ZNF25: variants seen among roughly 807,000 people sequenced by gnomAD.
ZNF25 encodes zinc finger protein 25.
A neutral mutation model predicts 30.9 loss-of-function variants in ZNF25; 21 were observed. That is an observed-to-expected ratio of 0.68 (90% CI 0.48 to 0.98). The LOEUF is 0.98. Among genes scored for constraint, ZNF25 ranks in the 50% least tolerant of loss-of-function variants. The probability of loss-of-function intolerance (pLI) is 0.00; values close to 1 mark genes in which losing one functional copy is unlikely to be tolerated. For synonymous variants in ZNF25, 169 were observed against 181.3 expected (o/e 0.93, Z 0.55); for missense variants, 501 against 529.9 (o/e 0.95, Z 0.54).
intron 1 of ZNF25, among the ~76,000 whole-genome samples, chr10:37,974,848 T>C (rs1043844973): frequency 7.2e-5 from 11 of 152,208 alleles, no homozygotes; most frequent in African/African-American, 2.7e-4. Context: ...ATAGTCTAGA[T>C]ACAGAATCCA....
At chr10:37,976,395 C>G (rs1346296045) in intron 1 of ZNF25, 111 bp downstream of exon 1, 1 of 152,354 alleles carries the variant, frequency 6.6e-6, no homozygotes, top group Admixed American at 6.5e-5. Context: ...CCCCACCAGG[C>G]GGCTCCCACC....
chr10:37,972,297 CCTT>C (rs2063534827), intron 1 of ZNF25, among the ~76,000 whole-genome samples: 2 of 152,144 alleles, frequency 1.3e-5, no homozygotes, highest in African/African-American at 2.4e-5. Flanking sequence ...TCTCCAAGAA[CCTT>C]CTTTTGATAT....
At chr10:37,957,172 G>C (rs1486471618) in intron 3 of ZNF25, 57 bp from the exon 4 acceptor site, 3 of 1,511,518 alleles carry the variant, frequency 2.0e-6, no homozygotes, top group Non-Finnish European at 2.7e-6. Context: ...TAGGGACTGT[G>C]AAAGATGAGG....
chr10:37,967,222 C>T (rs2063233336), intron 2 of ZNF25, among the ~76,000 whole-genome samples: 2 of 152,132 alleles, frequency 1.3e-5, no homozygotes. Context: ...TACGGAATTG[C>T]AAGGGGTCCC....
At chr10:37,957,186 T>G in intron 3 of ZNF25, 71 bp from the exon 4 acceptor site, 1 of 1,474,730 alleles carries the variant, frequency 6.8e-7, no homozygotes, top group Admixed American at 1.8e-5. Context: ...GATGAGGAAG[T>G]GGAGTTTCAG....
At chr10:37,963,826 T>A (rs1011836842) in intron 2 of ZNF25, among the ~76,000 whole-genome samples, 1 of 152,048 alleles carries the variant, frequency 6.6e-6, no homozygotes. Flanking sequence ...AATACAAAAA[T>A]TAGGCGGGTG....
At chr10:37,969,143 T>C (rs1351996801) in intron 2 of ZNF25, among the ~76,000 whole-genome samples, 1 of 152,132 alleles carries the variant, frequency 6.6e-6, no homozygotes, top group Non-Finnish European at 1.5e-5. Context: ...GTTGGGGGTA[T>C]ATGGAGAAAC....
chr10:37,961,922 C>CAAA (rs71533129), intron 2 of ZNF25, among the ~76,000 whole-genome samples: 3,591 of 38,898 alleles, frequency 0.092, 110 homozygotes, highest in Non-Finnish European at 0.14. Context: ...AACTCCATCT[C>CAAA]AAAAAAAAAA....
chr10:37,971,368 T>C (rs1590329436), intron 2 of ZNF25, among the ~76,000 whole-genome samples: 2 of 151,958 alleles, frequency 1.3e-5, no homozygotes, highest in African/African-American at 4.8e-5. Context: ...TTGTCTACTT[T>C]ATGCCAAAAA....
intron 4 of ZNF25, 81 bp from the exon 5 acceptor site, chr10:37,953,839 C>G: frequency 7.7e-7 from 1 of 1,292,120 alleles, no homozygotes; most frequent in Non-Finnish European, 1.1e-6. Flanking sequence ...GGCTTCAGGC[C>G]AATTTCTCAT....
At position 37,950,242 on chromosome 10, in the gene ZNF25, A is replaced by G. The variant is rs1428039980; in HGVS notation, c.*1885T>C. ...GTAGTGCAAAGACAGCCACAGGTCA[A>G]ACATAAATAGGTGTTTTTTGTTTGT... On this transcript the variant is annotated 3_prime_UTR_variant, in exon 6 of 6. Coordinates refer to ENST00000302609, the MANE Select transcript of ZNF25 (RefSeq NM_145011.4). 1 of 152,680 alleles carries G rather than the reference A, an allele frequency of 6.5e-6. No homozygotes were observed. Among genetic ancestry groups the G allele is most frequent in the African/African-American group, 2.4e-5 (1 of 41,472 alleles). The allele number at this position is 152,680 out of a possible 1,614,324, so 9.5% of individuals were successfully genotyped here.
intron 2 of ZNF25, among the ~76,000 whole-genome samples, chr10:37,970,539 T>G (rs180993165): frequency 3.9e-5 from 6 of 152,342 alleles, no homozygotes; most frequent in Admixed American, 1.3e-4. Context: ...AATGGCTAAA[T>G]TCTTTCCCCC....
intron 4 of ZNF25, 99 bp from the exon 5 acceptor site, chr10:37,953,857 G>A: frequency 8.8e-7 from 1 of 1,131,266 alleles, no homozygotes; most frequent in Non-Finnish European, 1.3e-6. Context: ...CATAATGAAA[G>A]AACCTCAAAT....
chr10:37,952,488 G>C lies in ZNF25; in HGVS notation c.1010C>G (p.Thr337Arg). 1 of 1,614,072 alleles carries C rather than the reference G, an allele frequency of 6.2e-7. No individual in the cohort carries two copies. Among genetic ancestry groups the C allele is most frequent in the South Asian group, 1.1e-5 (1 of 91,074 alleles). The change falls in exon 6 of 6, where the codon ACA (threonine) becomes AGA (arginine). Residue 337 changes from threonine (T) to arginine (R), a missense_variant. Thr to Arg is a moderately conservative substitution (Grantham distance 71). Coordinates refer to ENST00000302609, the MANE Select transcript of ZNF25 (RefSeq NM_145011.4). ...ATTACATTCAAAGGGTTTCTCCCCT[G>C]TGTGAGTTCGCTGATGTACTGTGAG... ...SALTVHQRTH[T>R]GEKPFECNKC...
rs1371153102 is a variant in ZNF25, at chr10:37,952,201, C to T, written c.1297G>A (p.Glu433Lys). The T allele has an allele frequency of 1.2e-6, 2 of 1,612,646 alleles. No homozygotes were observed. The highest frequency in any genetic ancestry group is 1.7e-6 in the Non-Finnish European group (2 of 1,179,432). The part of the protein sequence containing the change: ...EKPYECQECG[E>K]TFIQKSQLTA... The stretch of plus-strand genomic sequence containing the variant: ...AGTTGTGACTTCTGGATAAAGGTTT[C>T]CCCACACTCCTGACACTCATAGGGC... Residue 433 changes from glutamate (E) to lysine (K), a missense_variant, in exon 6 of 6, where the codon GAA (glutamate) becomes AAA (lysine). Transcript: ENST00000302609.
At chr10:37,966,937 T>C (rs2063219610) in intron 2 of ZNF25, among the ~76,000 whole-genome samples, 1 of 152,208 alleles carries the variant, frequency 6.6e-6, no homozygotes, top group Admixed American at 6.5e-5. Context: ...AATATATGCC[T>C]TCTAAAATTA....
rs1372299480 is a variant in ZNF25 at position 37,952,920 on chromosome 10, A to G, written c.578T>C (p.Leu193Pro). The G allele has an allele frequency of 6.2e-7, 1 of 1,614,148 alleles. No homozygotes were observed. The highest frequency in any genetic ancestry group is 8.5e-7 in the Non-Finnish European group (1 of 1,180,012). ...GGGTTTCTCTCCTGCATGGGTTCTC[A>G]GATGTCTACTGAGAGATGATAGGTG... ...FYHLSSLSRH[L>P]RTHAGEKPYE... The change falls in exon 6 of 6, where the codon CTG becomes CCG. Residue 193 changes from leucine (L) to proline (P), a missense_variant. Leu to Pro is a moderately conservative substitution (Grantham distance 98). Coordinates refer to ENST00000302609, the MANE Select transcript of ZNF25 (RefSeq NM_145011.4).
At chr10:37,967,711 A>T (rs748865423) in intron 2 of ZNF25, among the ~76,000 whole-genome samples, 1 of 152,084 alleles carries the variant, frequency 6.6e-6, no homozygotes, top group East Asian at 1.9e-4. Context: ...TTCAGCCCCA[A>T]CTGATTTTCA....
intron 3 of ZNF25, 134 bp downstream of exon 3, chr10:37,957,286 A>ATGTGTCACTGGGCAGGCGG: frequency 7.4e-7 from 1 of 1,351,042 alleles, no homozygotes; most frequent in South Asian, 1.4e-5. Flanking sequence ...AGTACCCAAA[A>ATGTGTCACTGGGCAGGCGG]TGGATTTATT....
Sources: gnomAD v4.1 joint callset for allele counts (sites outside exome capture counted in the v4.1 genomes callset) on GRCh38, gnomAD v4.1.1 for gene constraint, MANE v1.5 for transcripts, NCBI Gene and HGNC (gene_info 2026-07-23, HGNC 2026-07-21) for gene names.